ANGPT4: variants seen among roughly 807,000 people sequenced by gnomAD.
The protein encoded by ANGPT4 is angiopoietin 4, also known as angiopoietin-4.
A neutral mutation model predicts 53.0 loss-of-function variants in ANGPT4; 50 were observed. That is an observed-to-expected ratio of 0.94 (90% CI 0.75 to 1.20). The LOEUF is 1.20. ANGPT4 is among the 50% of genes most tolerant of loss of function. The probability of loss-of-function intolerance (pLI) is 0.00; values close to 1 mark genes in which losing one functional copy is unlikely to be tolerated. For missense variants in ANGPT4, 648 were observed against 637.1 expected, an observed-to-expected ratio of 1.02 and a Z score of -0.18; for synonymous variants, 251 against 259.7, an observed-to-expected ratio of 0.97 and a Z score of 0.32.
chr20:890,603 G>A (rs932137991), intron 1 of ANGPT4, among the ~76,000 whole-genome samples: 1 of 152,066 alleles, frequency 6.6e-6, no homozygotes, highest in East Asian at 1.9e-4. Context: ...TTTGTCCCCT[G>A]CACAGTCCAT....
chr20:903,840 G>A (rs1055474512), intron 1 of ANGPT4, among the ~76,000 whole-genome samples: 3 of 152,198 alleles, frequency 2.0e-5, no homozygotes, highest in African/African-American at 7.2e-5. Context: ...CCAGGGGTAG[G>A]AGCCCAGGCA....
chr20:907,379 T>C (rs548103138), intron 1 of ANGPT4, among the ~76,000 whole-genome samples: 10 of 152,160 alleles, frequency 6.6e-5, no homozygotes, highest in Non-Finnish European at 1.3e-4. Flanking sequence ...CTCTGCCATC[T>C]GGACTTGGGA....
intron 3 of ANGPT4, among the ~76,000 whole-genome samples, chr20:886,901 C>T (rs1417239871): frequency 6.6e-6 from 1 of 152,216 alleles, no homozygotes; most frequent in African/African-American, 2.4e-5. Flanking sequence ...CCTGGAATGT[C>T]AGCTTATAGG....
intron 1 of ANGPT4, among the ~76,000 whole-genome samples, chr20:900,927 A>G (rs183309572): frequency 1.5e-3 from 228 of 152,166 alleles, no homozygotes; most frequent in African/African-American, 5.1e-3. Context: ...TAGTTTCTCA[A>G]TTCACACAAA....
chr20:877,252 G>C (rs1981204870), intron 7 of ANGPT4, among the ~76,000 whole-genome samples: 2 of 152,208 alleles, frequency 1.3e-5, no homozygotes, highest in Non-Finnish European at 2.9e-5. Context: ...GATGATGATT[G>C]CAACTATGGA....
At chr20:906,032 G>T (rs1969193194) in intron 1 of ANGPT4, among the ~76,000 whole-genome samples, 1 of 152,146 alleles carries the variant, frequency 6.6e-6, no homozygotes, top group Non-Finnish European at 1.5e-5. Flanking sequence ...GCTGCTTGTG[G>T]CAGCTAGCCT....
chr20:909,851 C>A (rs891700477), intron 1 of ANGPT4, among the ~76,000 whole-genome samples: 5 of 152,224 alleles, frequency 3.3e-5, no homozygotes, highest in South Asian at 2.1e-4. Flanking sequence ...TGGGGACACC[C>A]AGACTGAGCT....
rs1371454969 is a variant in ANGPT4 at position 881,167 on chromosome 20, T to TA, written c.951+3dup. The TA allele has an allele frequency of 6.4e-7, 1 of 1,574,086 alleles. No individual in the cohort carries two copies. Among genetic ancestry groups the TA allele is most frequent in the Non-Finnish European group, 8.6e-7 (1 of 1,160,222 alleles). On this transcript the variant is annotated splice_donor_region_variant and intron_variant, in intron 5 of 8. Transcript: ENST00000381922. ...CAGCCACAGTTCCCAGGGAGCCCCC[T>TA]AACCTTCCTGGGCTTCGTTGCATTG...
chr20:905,508 G>A (rs1982446451), intron 1 of ANGPT4, among the ~76,000 whole-genome samples: 1 of 152,122 alleles, frequency 6.6e-6, no homozygotes, highest in African/African-American at 2.4e-5. Context: ...AGGCAGTGGA[G>A]ACCACAGAGA....
At chr20:876,996 C>G (rs1207079572) in intron 7 of ANGPT4, among the ~76,000 whole-genome samples, 1 of 151,978 alleles carries the variant, frequency 6.6e-6, no homozygotes, top group African/African-American at 2.4e-5. Context: ...GTCAAGGCTA[C>G]AGTGAGCTGT....
intron 1 of ANGPT4, among the ~76,000 whole-genome samples, chr20:907,076 G>C (rs1189394492): frequency 6.6e-6 from 1 of 152,202 alleles, no homozygotes; most frequent in Non-Finnish European, 1.5e-5. Flanking sequence ...AACCTCAGTG[G>C]CCTCATTGTT....
At chr20:912,389 G>C (rs1030176223) in intron 1 of ANGPT4, among the ~76,000 whole-genome samples, 1 of 152,206 alleles carries the variant, frequency 6.6e-6, no homozygotes, top group African/African-American at 2.4e-5. Context: ...GGAGGGCATG[G>C]TGGACAGAGG....
At chr20:898,246 C>T (rs1322169892) in intron 1 of ANGPT4, among the ~76,000 whole-genome samples, 2 of 152,156 alleles carry the variant, frequency 1.3e-5, no homozygotes, top group African/African-American at 4.8e-5. Flanking sequence ...TGCTCCCCTA[C>T]CCTATAATCC....
intron 1 of ANGPT4, among the ~76,000 whole-genome samples, chr20:915,413 A>C (rs1982890661): frequency 6.6e-6 from 1 of 151,896 alleles, no homozygotes; most frequent in Non-Finnish European, 1.5e-5. Context: ...TCCCTCAAAT[A>C]CCTGCCTGGC....
At chr20:903,485 G>T (rs1413699055) in intron 1 of ANGPT4, among the ~76,000 whole-genome samples, 2 of 152,080 alleles carry the variant, frequency 1.3e-5, no homozygotes, top group Non-Finnish European at 2.9e-5. Flanking sequence ...TGCTCCCTGG[G>T]CCCCCAGGCT....
At chr20:902,666 TTG>T (rs1393338358) in intron 1 of ANGPT4, among the ~76,000 whole-genome samples, 1 of 152,192 alleles carries the variant, frequency 6.6e-6, no homozygotes, top group African/African-American at 2.4e-5. Flanking sequence ...TCAAGGCAAT[TTG>T]TTTCCTTTAT....
chr20:911,744 G>A lies in ANGPT4; in HGVS notation c.309+4162C>T, dbSNP rs559978955. ...GCGGGAGGATCGCTTGAGCTCAGGA[G>A]TTCAAGGCTGCAGTGAGCTGTGATT... On this transcript the variant is annotated intron_variant, in intron 1 of 8. Coordinates refer to ENST00000381922, the MANE Select transcript of ANGPT4 (RefSeq NM_015985.4). This position sits in a 1 kb window ranked among gnomAD's most constrained non-coding sequence, Gnocchi z 4.9. 2.6e-5 allele frequency among the ~76,000 whole-genome samples: 4 copies of A among 152,162 alleles called. No individual in the cohort carries two copies. In the East Asian group the frequency reaches 7.7e-4, roughly 29 times the overall value.
chr20:884,969 G>A, intron 4 of ANGPT4, 109 bp downstream of exon 4: 3 of 1,468,218 alleles, frequency 2.0e-6, no homozygotes, highest in Middle Eastern at 4.4e-4. Context: ...GGGGAGGGTG[G>A]GGCCCGCAAT....
At chr20:903,233 G>T (rs1463403736) in intron 1 of ANGPT4, among the ~76,000 whole-genome samples, 1 of 152,172 alleles carries the variant, frequency 6.6e-6, no homozygotes, top group Non-Finnish European at 1.5e-5. Flanking sequence ...AAGCACCAAG[G>T]TTTCTGTGAA....
Sources: gnomAD v4.1 joint callset for allele counts (sites outside exome capture counted in the v4.1 genomes callset) on GRCh38, gnomAD v4.1.1 for gene constraint, Gnocchi (gnomAD v3.1) non-coding constraint, MANE v1.5 for transcripts, NCBI Gene and HGNC (gene_info 2026-07-23, HGNC 2026-07-21) for gene names.